The following PREP variants were observed in gnomAD, a reference collection of about 807,000 sequenced individuals.
PREP encodes the protein dJ355L5.1 (prolyl endopeptidase).
In PREP, 29 loss-of-function variants were observed where a neutral mutation model predicts 87.6. The observed-to-expected ratio is 0.33, with a 90% CI of 0.25 to 0.45. The LOEUF is 0.45. PREP is among the 20% of genes least tolerant of loss of function. The pLI, the probability that PREP is intolerant of heterozygous loss-of-function variation, is 1.00. For synonymous variants in PREP, 337 were observed against 328.6 expected (o/e 1.03, Z -0.28); for missense variants, 695 against 886.5 (o/e 0.78, Z 2.74).
chr6:105,371,500 C>CAAAAAAAAAAAAAAAAAAAAAAA (rs528772896), intron 5 of PREP, among the ~76,000 whole-genome samples: 5 of 44,804 alleles, frequency 1.1e-4, no homozygotes, highest in African/African-American at 3.1e-4. Flanking sequence ...GATTCCATCT[C>CAAAAAAAAAAAAAAAAAAAAAAA]AAAAAAAAAA....
Position 105,373,440 on chromosome 6 carries a change from C to G in PREP, c.524G>C (p.Cys175Ser). The change falls in exon 5 of 15, where the codon TGT becomes TCT. Residue 175 changes from cysteine (C) to serine (S), a missense_variant. Cys to Ser is a moderately radical substitution (Grantham distance 112). Coordinates refer to ENST00000652536, the MANE Select transcript of PREP (RefSeq NM_002726.5). The part of the protein sequence containing the change: ...PDVLERVKFS[C>S]MAWTHDGKGM... Reference sequence around the variant, plus strand: ...CTTCCCATCATGGGTCCAGGCCATACAGCTGAACTTGACTCTTTCAAGCAC... The same window carrying G: ...CTTCCCATCATGGGTCCAGGCCATAGAGCTGAACTTGACTCTTTCAAGCAC... 6.2e-7 allele frequency: 1 copy of G among 1,614,204 alleles called. No individual in the cohort carries two copies. Among genetic ancestry groups the G allele is most frequent in the Non-Finnish European group, 8.5e-7 (1 of 1,180,038 alleles).
rs1769892785 is a variant in PREP, at chr6:105,274,320, T to C, written c.*3824A>G. Among the ~76,000 whole-genome samples, 1 of 152,136 alleles carries C rather than the reference T, an allele frequency of 6.6e-6. No homozygotes were observed. ...GGCGGGGGGGTCTCTCCTTGGGCTC[T>C]AATATAAAGGCACCAGTCCCATTCA... is the stretch of plus-strand genomic sequence containing the variant. On this transcript the variant is annotated 3_prime_UTR_variant, in exon 15 of 15. Transcript: ENST00000652536.
At chr6:105,357,284 A>G (rs926120507) in intron 6 of PREP, among the ~76,000 whole-genome samples, 1 of 152,224 alleles carries the variant, frequency 6.6e-6, no homozygotes, top group African/African-American at 2.4e-5. Flanking sequence ...TGGCTAATTC[A>G]GTTGTAGTGA....
At chr6:105,398,474 T>G (rs1773343052) in intron 1 of PREP, among the ~76,000 whole-genome samples, 1 of 152,248 alleles carries the variant, frequency 6.6e-6, no homozygotes, top group Admixed American at 6.5e-5. Flanking sequence ...TTCAAAAAGC[T>G]GACTTAAATG....
chr6:105,318,991 G>T (rs747143581), intron 10 of PREP, among the ~76,000 whole-genome samples: 1 of 152,138 alleles, frequency 6.6e-6, no homozygotes, highest in Non-Finnish European at 1.5e-5. Context: ...CTATATGCTA[G>T]CAAGCACAAA....
chr6:105,370,834 T>C (rs1772519392), intron 5 of PREP, among the ~76,000 whole-genome samples: 1 of 152,052 alleles, frequency 6.6e-6, no homozygotes, highest in Non-Finnish European at 1.5e-5. Flanking sequence ...ATAAAGACAG[T>C]AAAAAGATCA....
intron 7 of PREP, among the ~76,000 whole-genome samples, chr6:105,337,294 T>G (rs1771507017): frequency 6.6e-6 from 1 of 152,204 alleles, no homozygotes; most frequent in Admixed American, 6.5e-5. Flanking sequence ...GTAGCAGTCT[T>G]TCAGAGATGC....
At chr6:105,371,457 C>A (rs1482623219) in intron 5 of PREP, among the ~76,000 whole-genome samples, 3 of 139,380 alleles carry the variant, frequency 2.2e-5, no homozygotes, top group African/African-American at 2.8e-5. Flanking sequence ...GCTGAGATCA[C>A]GCCACTGCAC....
intron 2 of PREP, among the ~76,000 whole-genome samples, chr6:105,378,630 T>C (rs1772756378): frequency 6.6e-6 from 1 of 152,208 alleles, no homozygotes; most frequent in Non-Finnish European, 1.5e-5. Context: ...TATTTGTAAC[T>C]AACCAGTTAA....
At chr6:105,289,784 A>G (rs1412343374) in intron 10 of PREP, among the ~76,000 whole-genome samples, 1 of 152,214 alleles carries the variant, frequency 6.6e-6, no homozygotes, top group Non-Finnish European at 1.5e-5. Context: ...CAACCCCTGG[A>G]AAGTGCTCCA....
chr6:105,377,923 C>T (rs914166068), intron 2 of PREP, among the ~76,000 whole-genome samples: 16 of 152,168 alleles, frequency 1.1e-4, no homozygotes, highest in African/African-American at 3.4e-4. Context: ...CCCAGATCCA[C>T]GCTCCTAACA....
At chr6:105,393,065 G>T (rs1032907888) in intron 2 of PREP, among the ~76,000 whole-genome samples, 3 of 152,206 alleles carry the variant, frequency 2.0e-5, no homozygotes, top group Non-Finnish European at 4.4e-5. Context: ...TTTTTCACAA[G>T]AGCAGAAAAG....
At chr6:105,341,631 T>C (rs1583067532) in intron 7 of PREP, among the ~76,000 whole-genome samples, 1 of 152,114 alleles carries the variant, frequency 6.6e-6, no homozygotes, top group African/African-American at 2.4e-5. Context: ...ACCAAATTGA[T>C]AGACCGCTAG....
At chr6:105,372,420 A>C (rs1034577325) in intron 5 of PREP, among the ~76,000 whole-genome samples, 1 of 152,212 alleles carries the variant, frequency 6.6e-6, no homozygotes, top group East Asian at 1.9e-4. Flanking sequence ...ACCAACCAAC[A>C]TAACAAGAAA....
intron 2 of PREP, among the ~76,000 whole-genome samples, chr6:105,394,509 TAGAAG>T (rs1171129098): frequency 2.6e-5 from 4 of 152,308 alleles, no homozygotes; most frequent in Admixed American, 2.6e-4. Context: ...CAAAGTTTGA[TAGAAG>T]AGAAAATAGA....
chr6:105,339,586 C>T (rs914698163), intron 7 of PREP, among the ~76,000 whole-genome samples: 1 of 152,124 alleles, frequency 6.6e-6, no homozygotes, highest in Non-Finnish European at 1.5e-5. Flanking sequence ...TAACAAAATT[C>T]TCCGAGCTAA....
rs191537547 is a variant in PREP at position 105,326,459 on chromosome 6, T to C, written c.1213+2370A>G. On this transcript the variant is annotated intron_variant, in intron 9 of 14. Transcript: ENST00000652536. Reference sequence around the variant, plus strand: ...TTGGGCTCAAGATGTGTTTTCACCATGTACCTCCAAGGAAAACAAAGTCAG... The same window carrying C: ...TTGGGCTCAAGATGTGTTTTCACCACGTACCTCCAAGGAAAACAAAGTCAG... 3.9e-5 allele frequency among the ~76,000 whole-genome samples: 6 copies of C among 152,334 alleles called. No homozygotes were observed. The East Asian group carries it at 1.2e-3, about 29-fold the overall frequency.
rs1328971884 is a variant in PREP, at chr6:105,328,957, T to C, written c.1085A>G (p.Gln362Arg). 6.2e-7 allele frequency: 1 copy of C among 1,614,188 alleles called. No homozygotes were observed. The highest frequency in any genetic ancestry group is 8.5e-7 in the Non-Finnish European group (1 of 1,180,024). Residue 362 changes from glutamine (Q) to arginine (R), a missense_variant, in exon 9 of 15, where the codon CAG (glutamine) becomes CGG (arginine). Coordinates refer to ENST00000652536, the MANE Select transcript of PREP (RefSeq NM_002726.5). Reference sequence around the variant, plus strand: ...AGCACCAGTAGTCAGGTCATGGAGCTGCAGAATGTTCTTGACGTCATGGAG... The same window carrying C: ...AGCACCAGTAGTCAGGTCATGGAGCCGCAGAATGTTCTTGACGTCATGGAG... ...CYLHDVKNIL[Q>R]LHDLTTGALL...
intron 7 of PREP, among the ~76,000 whole-genome samples, chr6:105,347,596 A>C (rs994131143): frequency 1.3e-5 from 2 of 152,220 alleles, no homozygotes; most frequent in African/African-American, 4.8e-5. Flanking sequence ...TAAATTTTTA[A>C]AGTCCACAGA....
Sources: gnomAD v4.1 joint callset for allele counts (sites outside exome capture counted in the v4.1 genomes callset) on GRCh38, gnomAD v4.1.1 for gene constraint, MANE v1.5 for transcripts, NCBI Gene and HGNC (gene_info 2026-07-23, HGNC 2026-07-21) for gene names.